The following PTPRT variants were observed in gnomAD, a reference collection of about 807,000 sequenced individuals.
The protein encoded by PTPRT is protein tyrosine phosphatase receptor type T, also known as receptor-type tyrosine-protein phosphatase T.
In PTPRT, 56 loss-of-function variants were observed where a neutral mutation model predicts 176.8. The observed-to-expected ratio is 0.32, with a 90% CI of 0.26 to 0.40. The LOEUF is 0.40. Among genes scored for constraint, PTPRT ranks in the 10% least tolerant of loss-of-function variants. PTPRT has a pLI of 1.00. For missense variants in PTPRT, 1,540 were observed against 1,908.2 expected (o/e 0.81, Z 3.60); for synonymous variants, 783 against 739.0 (o/e 1.06, Z -0.96).
the PTPRT span, among the ~76,000 whole-genome samples, chr20:42,051,930 C>T: frequency 1.3e-5 from 2 of 152,194 alleles, no homozygotes; most frequent in Admixed American, 6.5e-5. Flanking sequence ...TGTTTAGCTC[C>T]TGATGAACCT....
At chr20:42,877,290 G>A (rs931535252) in intron 2 of PTPRT, among the ~76,000 whole-genome samples, 1 of 152,134 alleles carries the variant, frequency 6.6e-6, no homozygotes, top group Admixed American at 6.5e-5. Flanking sequence ...ATCCTTCCTA[G>A]ATGAAAAGTC....
At chr20:43,127,833 A>G (rs1311415612) in intron 1 of PTPRT, among the ~76,000 whole-genome samples, 1 of 152,160 alleles carries the variant, frequency 6.6e-6, no homozygotes, top group Non-Finnish European at 1.5e-5. Context: ...GCTGTTTCTG[A>G]TGGTGGGTGA....
At chr20:42,185,529 A>T (rs1338326628) in intron 16 of PTPRT, among the ~76,000 whole-genome samples, 1 of 152,212 alleles carries the variant, frequency 6.6e-6, no homozygotes, top group Non-Finnish European at 1.5e-5. Context: ...TGTTGGCTAC[A>T]GTGGGTGATG....
At chr20:42,401,545 G>A (rs1479023672) in intron 9 of PTPRT, among the ~76,000 whole-genome samples, 2 of 151,924 alleles carry the variant, frequency 1.3e-5, no homozygotes, top group South Asian at 2.1e-4. Context: ...ACACACACAC[G>A]AAAGGCAGCC....
At chr20:42,879,785 G>A (rs1297903630) in intron 2 of PTPRT, among the ~76,000 whole-genome samples, 1 of 152,094 alleles carries the variant, frequency 6.6e-6, no homozygotes, top group Non-Finnish European at 1.5e-5. Flanking sequence ...ATGTGCATGT[G>A]TGTCACCTGT....
chr20:42,557,222 C>T (rs1179473665), intron 7 of PTPRT, among the ~76,000 whole-genome samples: 2 of 152,056 alleles, frequency 1.3e-5, no homozygotes, highest in South Asian at 2.1e-4. Flanking sequence ...ATATTAAGTA[C>T]TCATTATATA....
intron 1 of PTPRT, among the ~76,000 whole-genome samples, chr20:42,927,721 A>T (rs1979578534): frequency 6.6e-6 from 1 of 152,190 alleles, no homozygotes; most frequent in Non-Finnish European, 1.5e-5. Flanking sequence ...TCAGCATGCA[A>T]GTCCACGTGG....
intron 9 of PTPRT, among the ~76,000 whole-genome samples, chr20:42,421,220 C>T (rs534772334): frequency 1.3e-5 from 2 of 152,118 alleles, no homozygotes; most frequent in East Asian, 3.9e-4. Context: ...TGTGGTGTTT[C>T]CAGCAAGTTC....
At chr20:42,900,950 C>T (rs1292290293) in intron 1 of PTPRT, among the ~76,000 whole-genome samples, 1 of 152,168 alleles carries the variant, frequency 6.6e-6, no homozygotes, top group Non-Finnish European at 1.5e-5. Context: ...TGGCTCCTTG[C>T]TCTCCCAGGA....
chr20:42,653,462 TAAAAAG>T (rs769000326), intron 7 of PTPRT, among the ~76,000 whole-genome samples: 100 of 152,178 alleles, frequency 6.6e-4, no homozygotes, highest in Non-Finnish European at 1.2e-3. Context: ...TGAGTGATAA[TAAAAAG>T]AAAAAGGTAG....
At chr20:43,050,145 A>G (rs1387431392) in intron 1 of PTPRT, among the ~76,000 whole-genome samples, 1 of 152,200 alleles carries the variant, frequency 6.6e-6, no homozygotes, top group Non-Finnish European at 1.5e-5. Context: ...GGAAGGGAAC[A>G]TGCAGCTTGT....
intron 7 of PTPRT, among the ~76,000 whole-genome samples, chr20:42,626,071 GACTA>G (rs1321372489): frequency 6.6e-5 from 10 of 152,054 alleles, no homozygotes; most frequent in East Asian, 1.9e-4. Flanking sequence ...AACAGCATGA[GACTA>G]ACTATCGAGC....
intron 1 of PTPRT, among the ~76,000 whole-genome samples, chr20:43,171,733 T>C (rs2015005634): frequency 6.6e-6 from 1 of 152,236 alleles, no homozygotes; most frequent in African/African-American, 2.4e-5. Flanking sequence ...GGATCTGCTA[T>C]GGAGCCCAAA....
At chr20:43,079,896 C>A (rs995059700) in intron 1 of PTPRT, among the ~76,000 whole-genome samples, 20 of 152,140 alleles carry the variant, frequency 1.3e-4, no homozygotes, top group African/African-American at 4.8e-4. Flanking sequence ...TAGTAGCAAT[C>A]ATCATGTGTA....
chr20:42,120,052 A>G (rs1987505823), intron 19 of PTPRT, 81 bp from the exon 20 acceptor site: 4 of 1,317,682 alleles, frequency 3.0e-6, no homozygotes, highest in Non-Finnish European at 4.2e-6. Context: ...CATCCTCTCC[A>G]AGTCTTGATT....
chr20:42,648,820 G>GTTGTTTTTTTTTTTTTTTTTTTTTTTTTT lies in PTPRT; in HGVS notation c.1153+29045_1153+29046insAAAAAAAAAAAAAAAAAAAAAAAAAACAA, dbSNP rs1310734163. On this transcript the variant is annotated intron_variant, in intron 7 of 30. Coordinates refer to ENST00000373187, the MANE Select transcript of PTPRT (RefSeq NM_007050.6). ...GGGGATTTTTTTTTTTGGTGTCGTT[G>GTTGTTTTTTTTTTTTTTTTTTTTTTTTTT]TTTTTTTTTTTTTTTTTTGACAGAG... 7.2e-5 allele frequency among the ~76,000 whole-genome samples: 8 copies of GTTGTTTTTTTTTTTTTTTTTTTTTTTTTT among 111,832 alleles called. 1 individual carries two copies. Among genetic ancestry groups the GTTGTTTTTTTTTTTTTTTTTTTTTTTTTT allele is most frequent in the African/African-American group, 3.0e-4 (8 of 26,828 alleles). The allele number at this position is 111,832 out of a possible 152,430, so 73.4% of individuals were successfully genotyped here.
At chr20:42,433,748 T>A (rs2059236719) in intron 9 of PTPRT, among the ~76,000 whole-genome samples, 1 of 152,214 alleles carries the variant, frequency 6.6e-6, no homozygotes, top group Non-Finnish European at 1.5e-5. Flanking sequence ...GATCCATGTC[T>A]ACTGAACATA....
At chr20:42,763,112 CTGA>C (rs2076938311) in intron 5 of PTPRT, among the ~76,000 whole-genome samples, 1 of 152,216 alleles carries the variant, frequency 6.6e-6, no homozygotes, top group East Asian at 1.9e-4. Flanking sequence ...AGAGTTGCAC[CTGA>C]TGCCACAGAG....
At chr20:42,979,102 G>GA (rs1181375181) in intron 1 of PTPRT, among the ~76,000 whole-genome samples, 3 of 151,964 alleles carry the variant, frequency 2.0e-5, no homozygotes, top group African/African-American at 7.2e-5. Context: ...CGTAAATCGA[G>GA]AAAAAATGGT....
Sources: allele counts gnomAD v4.1 joint callset (sites outside exome capture counted in the v4.1 genomes callset), GRCh38; gene constraint gnomAD v4.1.1; transcripts MANE v1.5; gene names NCBI Gene and HGNC (gene_info 2026-07-23, HGNC 2026-07-21).